The following SLC34A1 variants were observed in gnomAD, a reference collection of about 807,000 sequenced individuals.
SLC34A1 encodes the protein sodium-dependent phosphate transport protein 2A.
In SLC34A1, 57 loss-of-function variants were observed where a neutral mutation model predicts 51.4. That is an observed-to-expected ratio of 1.11 (90% confidence interval 0.90 to 1.38). SLC34A1 has a LOEUF of 1.38. Ranked by LOEUF, SLC34A1 falls within the 40% of genes most tolerant of loss-of-function variation. SLC34A1 has a pLI of 0.00. For missense variants in SLC34A1, 796 were observed against 835.6 expected (o/e 0.95, Z 0.58); for synonymous variants, 368 against 358.0 (o/e 1.03, Z -0.32).
chr5:177,384,789 G>A (rs1041001989), intron 1 of SLC34A1, among the ~76,000 whole-genome samples: 7 of 151,460 alleles, frequency 4.6e-5, no homozygotes, highest in Non-Finnish European at 7.4e-5. Context: ...TTGAACCCAC[G>A]AGGCAGAGGT....
Position 177,388,087 on chromosome 5 carries a change from C to T in SLC34A1, c.738C>T (p.His246=), listed in dbSNP as rs1762662768. 4 of 1,614,132 alleles carry T rather than the reference C, an allele frequency of 2.5e-6. No individual in the cohort carries two copies. Among genetic ancestry groups the T allele is most frequent in the Admixed American group, 1.7e-5 (1 of 60,032 alleles). The part of the protein sequence containing the change: ...PLEAATGYLH[H]ITRLVVASFN... Reference sequence around the variant, plus strand: ...AGGCTGCCACTGGCTACCTGCACCACATCACTCGACTTGTGGTGGCCTCCT... The same window carrying T: ...AGGCTGCCACTGGCTACCTGCACCATATCACTCGACTTGTGGTGGCCTCCT... The change falls in exon 7 of 13, where the codon CAC becomes CAT. Residue 246 remains histidine (H), a synonymous_variant. Transcript: ENST00000324417. The surrounding 1 kb of genome is among the most constrained non-coding windows in gnomAD (Gnocchi z 4.3).
At chr5:177,384,952 C>G (rs1002184735) in intron 1 of SLC34A1, among the ~76,000 whole-genome samples, 2 of 151,992 alleles carry the variant, frequency 1.3e-5, no homozygotes, top group Non-Finnish European at 2.9e-5. Flanking sequence ...TGGGACAATG[C>G]GGGGAGTGCT....
At chr5:177,387,125 CTTTGGGAGGCT>C (rs2127347408) in intron 5 of SLC34A1, among the ~76,000 whole-genome samples, 1 of 151,922 alleles carries the variant, frequency 6.6e-6, no homozygotes, top group African/African-American at 2.4e-5. Context: ...AATCCCAGCA[CTTTGGGAGGCT>C]GAGGGGGGCA....
chr5:177,397,515 T>C (rs1763008793), intron 12 of SLC34A1: 2 of 573,428 alleles, frequency 3.5e-6, no homozygotes, highest in East Asian at 6.0e-5. Context: ...CAGTATCTGC[T>C]GGGGGATTCC....
chr5:177,386,607 AC>A lies in SLC34A1; in HGVS notation c.532+45del. The A allele has an allele frequency of 6.2e-7, 1 of 1,611,298 alleles. No homozygotes were observed. The highest frequency in any genetic ancestry group is 1.3e-5 in the African/African-American group (1 of 74,946). ...AGGGTGGGGAAGAGCTTGGAGGGGC[AC>A]CCCAGGAGCTGGGAAGGGTGGCAAA... On this transcript the variant is annotated intron_variant, in intron 5 of 12. Transcript: ENST00000324417. This position sits in a 1 kb window ranked among gnomAD's most constrained non-coding sequence, Gnocchi z 4.8.
rs1762887144 is a variant in SLC34A1, at chr5:177,394,101, G to A, written c.1080G>A (p.Val360=). ...TCATCCTGCTGGCAGGATCCCTGGT[G>A]CTGCTGTGCACCTGCCTCATCCTCC... ...VGLILLAGSL[V]LLCTCLILLV... Residue 360 remains valine (V), a synonymous_variant, in exon 10 of 13, where the codon GTG becomes GTA. Coordinates refer to ENST00000324417, the MANE Select transcript of SLC34A1 (RefSeq NM_003052.5). The A allele has an allele frequency of 6.2e-7, 1 of 1,614,044 alleles. No homozygotes were observed. Among genetic ancestry groups the A allele is most frequent in the South Asian group, 1.1e-5 (1 of 91,084 alleles).
Position 177,397,818 on chromosome 5 carries a change from T to C in SLC34A1, c.1452T>C (p.Gly484=). 1.9e-6 allele frequency: 3 copies of C among 1,612,820 alleles called. No individual in the cohort carries two copies. Among genetic ancestry groups the C allele is most frequent in the Non-Finnish European group, 2.5e-6 (3 of 1,180,012 alleles). The change falls in exon 13 of 13, where the codon GGT becomes GGC. Residue 484 remains glycine (G), a synonymous_variant. Coordinates refer to ENST00000324417, the MANE Select transcript of SLC34A1 (RefSeq NM_003052.5). ...ALCHFFFNIS[G]ILLWYPVPCT... The stretch of plus-strand genomic sequence containing the variant: ...GTCACTTCTTCTTCAACATCTCGGG[T>C]ATCCTTCTGTGGTACCCGGTGCCCT...
At chr5:177,387,944 T>G (rs772416995) in intron 6 of SLC34A1, 50 bp from the exon 7 acceptor site, 1 of 1,610,934 alleles carries the variant, frequency 6.2e-7, no homozygotes, top group East Asian at 2.2e-5. Flanking sequence ...ACCCCAGGCG[T>G]GACTGTGCAC....
chr5:177,384,862 CAA>C (rs56057645), intron 1 of SLC34A1, among the ~76,000 whole-genome samples: 51 of 86,936 alleles, frequency 5.9e-4, no homozygotes, highest in Admixed American at 1.4e-3. Flanking sequence ...AACTCCATCT[CAA>C]AAAAAAAAAA....
chr5:177,387,689 G>T, intron 5 of SLC34A1, 73 bp from the exon 6 acceptor site: 1 of 1,253,512 alleles, frequency 8.0e-7, no homozygotes, highest in Non-Finnish European at 1.2e-6. Context: ...TGGGTGGGGG[G>T]CCTGACAGGA....
intron 8 of SLC34A1, chr5:177,390,074 T>C: frequency 8.8e-7 from 1 of 1,139,596 alleles, no homozygotes; most frequent in South Asian, 2.5e-5. Flanking sequence ...AAGTGCGTCC[T>C]GGCTCTTCCT....
intron 8 of SLC34A1, among the ~76,000 whole-genome samples, chr5:177,391,795 TC>T (rs1008259652): frequency 2.6e-5 from 4 of 152,090 alleles, no homozygotes; most frequent in African/African-American, 9.7e-5. Context: ...TTAAACACAT[TC>T]CCCCTGTAAC....
At chr5:177,385,565 G>T (rs1762531914) in intron 1 of SLC34A1, 130 bp from the exon 2 acceptor site, 1 of 663,794 alleles carries the variant, frequency 1.5e-6, no homozygotes, top group Non-Finnish European at 2.8e-6. Context: ...AGTCTCGGAG[G>T]GGTGTGTGTG....
In SLC34A1 at chr5:177,386,030, C is replaced by T; in HGVS notation, c.153C>T (p.Ser51=). The change falls in exon 3 of 13, where the codon AGC becomes AGT. Residue 51 remains serine, a synonymous_variant. Transcript: ENST00000324417. The surrounding 1 kb of genome is among the most constrained non-coding windows in gnomAD (Gnocchi z 4.8). ...GGACCTCTGCCTATGCCTTCCCCAGCCTGGGCCCTGTGGCCCTTGCTGAGC... is the reference window on the plus strand; with the variant it reads ...GGACCTCTGCCTATGCCTTCCCCAGTCTGGGCCCTGTGGCCCTTGCTGAGC... ...IPGTSAYAFP[S]LGPVALAEHT... is the part of the protein sequence containing the mutation. The T allele has an allele frequency of 1.2e-6, 2 of 1,609,216 alleles. No homozygotes were observed. The highest frequency in any genetic ancestry group is 1.1e-5 in the South Asian group (1 of 90,684).
In SLC34A1 at chr5:177,387,774, G is replaced by A; in HGVS notation, c.545G>A (p.Ser182Asn). ...TCTCTTCTACCAGTGCTGGAGGTGA[G>A]CTCTGCCATCCCCATCATCATGGGC... ...SMVSSGLLEVSSAIPIIMGSN... is the reference protein window; with the variant it reads ...SMVSSGLLEVNSAIPIIMGSN... The change falls in exon 6 of 13, where the codon AGC becomes AAC. Residue 182 changes from serine (S) to asparagine (N), a missense_variant. Physicochemically the swap from Ser to Asn is conservative, Grantham distance 46 (BLOSUM62 1). Transcript: ENST00000324417. 6.2e-7 allele frequency: 1 copy of A among 1,613,932 alleles called. No individual in the cohort carries two copies. Among genetic ancestry groups the A allele is most frequent in the Non-Finnish European group, 8.5e-7 (1 of 1,179,924 alleles).
chr5:177,395,141 C>T (rs1431203565), intron 10 of SLC34A1, among the ~76,000 whole-genome samples: 1 of 151,444 alleles, frequency 6.6e-6, no homozygotes, highest in Non-Finnish European at 1.5e-5. Flanking sequence ...CACTGCACTC[C>T]GACCTGTGCA....
chr5:177,397,202 T>C (rs986944447), intron 12 of SLC34A1, 128 bp downstream of exon 12: 5 of 1,275,558 alleles, frequency 3.9e-6, no homozygotes, highest in African/African-American at 3.0e-5. Flanking sequence ...ATATGCTCAA[T>C]GAAACCATTA....
Position 177,396,664 on chromosome 5 carries a change from C to T in SLC34A1, c.1175-69C>T. 1 of 1,343,554 alleles carries T rather than the reference C, an allele frequency of 7.4e-7. No individual in the cohort carries two copies. The highest frequency in any genetic ancestry group is 1.2e-5 in the South Asian group (1 of 85,566). 83.2% of individuals were successfully genotyped at this position (1,343,554 alleles called of 1,614,324 possible). On this transcript the variant is annotated intron_variant, in intron 10 of 12. Transcript: ENST00000324417. This position sits in a 1 kb window ranked among gnomAD's most constrained non-coding sequence, Gnocchi z 4.0. The stretch of plus-strand genomic sequence containing the variant: ...CGCGGAGGTCCGCTCTCCCAGTGCC[C>T]CCGCGGAGGTCTGCTCTCCCAATGT...
In SLC34A1 at chr5:177,397,146, T is replaced by G. The variant is rs2127355551; in HGVS notation, c.1416+72T>G. The G allele has an allele frequency of 1.9e-6, 3 of 1,566,736 alleles. No individual in the cohort carries two copies. The South Asian group carries it at 3.4e-5, about 18-fold the overall frequency. ...TGGGGTGTGGGGCCTCACAAAGGTG[T>G]GACAACATGGAACAAATATTTTGAC... is the stretch of plus-strand genomic sequence containing the variant. On this transcript the variant is annotated intron_variant, in intron 12 of 12. Coordinates refer to ENST00000324417, the MANE Select transcript of SLC34A1 (RefSeq NM_003052.5).
Sources: allele counts gnomAD v4.1 joint callset (sites outside exome capture counted in the v4.1 genomes callset), GRCh38; gene constraint gnomAD v4.1.1; non-coding constraint Gnocchi (gnomAD v3.1); transcripts MANE v1.5; gene names NCBI Gene and HGNC (gene_info 2026-07-23, HGNC 2026-07-21).